ASAP1: variants seen among roughly 807,000 people sequenced by gnomAD.
ASAP1 encodes the protein ArfGAP with SH3 domain, ankyrin repeat and PH domain 1.
A neutral mutation model predicts 145.2 loss-of-function variants in ASAP1; 43 were observed. That is an observed-to-expected ratio of 0.30 (90% confidence interval 0.23 to 0.38). ASAP1 has a LOEUF of 0.38. Among genes scored for constraint, ASAP1 ranks in the 10% least tolerant of loss-of-function variants. The pLI is 1.00. For missense variants in ASAP1, 1,018 were observed against 1,355.3 expected, an observed-to-expected ratio of 0.75 and a Z score of 3.91; for synonymous variants, 546 against 515.5, an observed-to-expected ratio of 1.06 and a Z score of -0.80.
At chr8:130,257,790 C>CG (rs943809388) in intron 3 of ASAP1, among the ~76,000 whole-genome samples, 1 of 142,924 alleles carries the variant, frequency 7.0e-6, no homozygotes, top group Admixed American at 7.0e-5. Context: ...AAGAGCACCC[C>CG]CCCCCCATTA....
intron 26 of ASAP1, among the ~76,000 whole-genome samples, chr8:130,079,701 G>T (rs573698732): frequency 6.6e-6 from 1 of 151,948 alleles, no homozygotes; most frequent in South Asian, 2.1e-4. Context: ...CTCAGAGAAC[G>T]GTCTGCAGAC....
intron 12 of ASAP1, among the ~76,000 whole-genome samples, chr8:130,158,115 TAACA>T (rs751235929): frequency 1.4e-4 from 21 of 152,082 alleles, no homozygotes; most frequent in Non-Finnish European, 2.6e-4. Context: ...TTTATAATTT[TAACA>T]AACAAATTAC....
At chr8:130,100,793 C>G (rs779509761) in intron 24 of ASAP1, among the ~76,000 whole-genome samples, 4 of 152,158 alleles carry the variant, frequency 2.6e-5, no homozygotes, top group African/African-American at 9.7e-5. Context: ...AACAGGTTGT[C>G]TCTTTGCTCT....
intron 27 of ASAP1, among the ~76,000 whole-genome samples, chr8:130,075,024 G>A (rs941257414): frequency 2.6e-5 from 4 of 152,182 alleles, no homozygotes; most frequent in Non-Finnish European, 4.4e-5. Flanking sequence ...AAGAGCTGGC[G>A]GCAGTTGCGG....
At chr8:130,440,662 C>T (rs79871821) in intron 1 of ASAP1, among the ~76,000 whole-genome samples, 5,482 of 152,176 alleles carry the variant, frequency 0.036, 128 homozygotes, top group Middle Eastern at 0.099. Flanking sequence ...TTGCGCCATT[C>T]CCCCCATCTC....
At chr8:130,249,376 A>G (rs1416359317) in intron 3 of ASAP1, among the ~76,000 whole-genome samples, 1 of 152,148 alleles carries the variant, frequency 6.6e-6, no homozygotes, top group East Asian at 1.9e-4. Flanking sequence ...TGGTTCTCCA[A>G]GTTCATGATG....
intron 13 of ASAP1, among the ~76,000 whole-genome samples, chr8:130,137,749 T>C (rs1458954388): frequency 6.6e-6 from 1 of 152,154 alleles, no homozygotes; most frequent in Non-Finnish European, 1.5e-5. Context: ...AATCTCTTGG[T>C]CACACATATA....
rs1373938052 is a variant in ASAP1, at chr8:130,234,127, T to C, written c.259+2795A>G. On this transcript the variant is annotated intron_variant, in intron 4 of 29. Coordinates refer to ENST00000518721, the MANE Select transcript of ASAP1 (RefSeq NM_018482.4). Reference sequence around the variant, plus strand: ...CTACTCCAAGAGAGATGGTTAGTAATTGCAATACAATGGGATACATGTTCT... The same window carrying C: ...CTACTCCAAGAGAGATGGTTAGTAACTGCAATACAATGGGATACATGTTCT... 3.3e-5 allele frequency among the ~76,000 whole-genome samples: 5 copies of C among 152,132 alleles called. No individual in the cohort carries two copies. The East Asian group carries it at 7.7e-4, about 23-fold the overall frequency.
chr8:130,314,649 G>A (rs1472873962), intron 3 of ASAP1, among the ~76,000 whole-genome samples: 1 of 152,230 alleles, frequency 6.6e-6, no homozygotes, highest in Non-Finnish European at 1.5e-5. Flanking sequence ...GCGCTTCCCA[G>A]TGGCACCTGC....
chr8:130,188,287 T>C (rs575646557), intron 5 of ASAP1, 104 bp from the exon 6 acceptor site: 5 of 847,092 alleles, frequency 5.9e-6, no homozygotes, highest in Admixed American at 5.9e-5. Flanking sequence ...CCAGGCTCTG[T>C]TGAAGGGCTT....
chr8:130,303,179 T>C (rs1822783873), intron 3 of ASAP1, among the ~76,000 whole-genome samples: 1 of 152,200 alleles, frequency 6.6e-6, no homozygotes, highest in Non-Finnish European at 1.5e-5. Context: ...GCTAACATCT[T>C]AGACTGTTTC....
intron 3 of ASAP1, among the ~76,000 whole-genome samples, chr8:130,259,610 T>C (rs1442516172): frequency 1.3e-5 from 2 of 152,206 alleles, no homozygotes; most frequent in East Asian, 1.9e-4. Flanking sequence ...AGAAATGCTG[T>C]TCTTTAAAAC....
intron 3 of ASAP1, among the ~76,000 whole-genome samples, chr8:130,278,892 TAG>T (rs1256690653): frequency 2.6e-5 from 4 of 152,118 alleles, no homozygotes; most frequent in African/African-American, 9.7e-5. Context: ...CCCTCACAAT[TAG>T]AGAGTGTTAG....
At chr8:130,340,930 G>A (rs1012427598) in intron 3 of ASAP1, 2 of 452,926 alleles carry the variant, frequency 4.4e-6, no homozygotes, top group African/African-American at 2.0e-5. Flanking sequence ...GTCTTCAAGG[G>A]AATAAAATAC....
intron 13 of ASAP1, among the ~76,000 whole-genome samples, chr8:130,137,645 C>T (rs1325514080): frequency 6.6e-6 from 1 of 152,172 alleles, no homozygotes. Context: ...CTCAGAAGTA[C>T]AATGACAATT....
At chr8:130,110,511 C>T (rs2097544939) in intron 24 of ASAP1, among the ~76,000 whole-genome samples, 2 of 152,230 alleles carry the variant, frequency 1.3e-5, no homozygotes, top group African/African-American at 4.8e-5. Flanking sequence ...GAAGCAGCAA[C>T]ACAGCATTCT....
chr8:130,400,603 C>T (rs1377124554), intron 2 of ASAP1, among the ~76,000 whole-genome samples: 3 of 147,836 alleles, frequency 2.0e-5, no homozygotes, highest in South Asian at 2.1e-4. Context: ...CTGGCTAACA[C>T]GGTGAAACCC....
intron 13 of ASAP1, among the ~76,000 whole-genome samples, chr8:130,148,324 TC>T (rs2097637785): frequency 6.6e-6 from 1 of 152,240 alleles, no homozygotes; most frequent in Non-Finnish European, 1.5e-5. Context: ...GGATTTAACC[TC>T]TCTGAGCTTC....
intron 7 of ASAP1, among the ~76,000 whole-genome samples, chr8:130,183,204 G>T (rs1814487859): frequency 6.6e-6 from 1 of 151,280 alleles, no homozygotes; most frequent in African/African-American, 2.4e-5. Context: ...AAAAATAAAT[G>T]CAACAAACAA....
Sources: allele counts gnomAD v4.1 joint callset (sites outside exome capture counted in the v4.1 genomes callset), GRCh38; gene constraint gnomAD v4.1.1; transcripts MANE v1.5; gene names NCBI Gene and HGNC (gene_info 2026-07-23, HGNC 2026-07-21).